SEMA3E: variants seen among roughly 807,000 people sequenced by gnomAD.
SEMA3E encodes semaphorin 3E.
SEMA3E carries 49 observed loss-of-function variants against 93.6 expected under a neutral mutation model. The ratio of observed to expected loss-of-function variants is 0.52; its 90% CI spans 0.42 to 0.66. The LOEUF is 0.66. SEMA3E is among the 30% of genes least tolerant of loss of function. The pLI is 0.00. For missense variants in SEMA3E, 906 were observed against 964.8 expected, an observed-to-expected ratio of 0.94 and a Z score of 0.81; for synonymous variants, 363 against 330.7, an observed-to-expected ratio of 1.10 and a Z score of -1.06.
chr7:83,636,753 T>C (rs1039664375), intron 1 of SEMA3E, among the ~76,000 whole-genome samples: 1 of 152,096 alleles, frequency 6.6e-6, no homozygotes, highest in Admixed American at 6.6e-5. Flanking sequence ...GAGAATACAG[T>C]GCATTATATG....
At chr7:83,565,530 A>G (rs1792128789) in intron 1 of SEMA3E, among the ~76,000 whole-genome samples, 1 of 152,220 alleles carries the variant, frequency 6.6e-6, no homozygotes, top group Non-Finnish European at 1.5e-5. Flanking sequence ...GAACTTAAAA[A>G]GAAAATAAAA....
At chr7:83,530,384 T>C (rs1298095802) in intron 1 of SEMA3E, among the ~76,000 whole-genome samples, 1 of 152,204 alleles carries the variant, frequency 6.6e-6, no homozygotes, top group Non-Finnish European at 1.5e-5. Flanking sequence ...CCTCTCACTA[T>C]AAACAAATAT....
chr7:83,520,895 C>G (rs973560088), intron 1 of SEMA3E, among the ~76,000 whole-genome samples: 11 of 152,178 alleles, frequency 7.2e-5, no homozygotes, highest in Non-Finnish European at 4.4e-5. Flanking sequence ...GCATTGCTGG[C>G]TGGCTCCCAA....
intron 4 of SEMA3E, among the ~76,000 whole-genome samples, chr7:83,426,657 C>T (rs1345892991): frequency 6.6e-6 from 1 of 152,088 alleles, no homozygotes; most frequent in East Asian, 1.9e-4. Flanking sequence ...ACATGTACTC[C>T]CGACTCTAAA....
At chr7:83,406,155 CT>C (rs925208704) in intron 7 of SEMA3E, 96 bp from the exon 8 acceptor site, 12 of 886,842 alleles carry the variant, frequency 1.4e-5, no homozygotes, top group Admixed American at 3.6e-5. Flanking sequence ...AGAGTTATGA[CT>C]TTTTTATTTA....
intron 1 of SEMA3E, among the ~76,000 whole-genome samples, chr7:83,558,551 A>G (rs1420099624): frequency 2.0e-5 from 3 of 152,132 alleles, no homozygotes; most frequent in African/African-American, 7.2e-5. Context: ...TTGTCAAATT[A>G]TGAAGGAAGA....
chr7:83,382,290 A>C (rs1215111010), intron 16 of SEMA3E, among the ~76,000 whole-genome samples: 1 of 152,016 alleles, frequency 6.6e-6, no homozygotes, highest in Non-Finnish European at 1.5e-5. Flanking sequence ...CTTTATAATA[A>C]AATGGTATAT....
chr7:83,593,260 G>GTCTCTCTCTCTCTC (rs1186592715), intron 1 of SEMA3E, among the ~76,000 whole-genome samples: 1 of 96,336 alleles, frequency 1.0e-5, no homozygotes, highest in Admixed American at 1.1e-4. Flanking sequence ...CTCTCTCTCT[G>GTCTCTCTCTCTCTC]TCTCTCTCTC....
chr7:83,644,502 T>C (rs1794056478), intron 1 of SEMA3E, among the ~76,000 whole-genome samples: 1 of 151,980 alleles, frequency 6.6e-6, no homozygotes, highest in South Asian at 2.1e-4. Context: ...ATAATATAAA[T>C]AGTTTTTAGG....
chr7:83,478,903 A>G (rs369976478), intron 2 of SEMA3E, among the ~76,000 whole-genome samples: 2 of 152,228 alleles, frequency 1.3e-5, no homozygotes, highest in African/African-American at 2.4e-5. Context: ...TCTAACTGCT[A>G]CTTACTGGCC....
chr7:83,619,936 T>TAGAG lies in SEMA3E; in HGVS notation c.115+28491_115+28492insCTCT, dbSNP rs2115625120. Among the ~76,000 whole-genome samples the TAGAG allele has an allele frequency of 1.3e-5, 2 of 151,898 alleles. 1 individual carries two copies. The highest frequency in any genetic ancestry group is 4.1e-4 in the South Asian group (2 of 4,822). ...ATAGATAGATAGACAGATAGATAGA[T>TAGAG]AGATAGATGCAAAACCATGTTTGCT... On this transcript the variant is annotated intron_variant, in intron 1 of 16. Transcript: ENST00000643230.
chr7:83,392,499 AAAG>A (rs770716867), intron 14 of SEMA3E, 53 bp downstream of exon 14: 1 of 1,413,502 alleles, frequency 7.1e-7, no homozygotes, highest in Non-Finnish European at 9.7e-7. Flanking sequence ...AAAAAAAAAA[AAAG>A]CATTAGGGTT....
In SEMA3E at chr7:83,431,053, GAAAT is replaced by G. The variant is rs528525091; in HGVS notation, c.457-12574_457-12571del. On this transcript the variant is annotated intron_variant, in intron 4 of 16. Coordinates refer to ENST00000643230, the MANE Select transcript of SEMA3E (RefSeq NM_012431.3). ...ATTAATGGTTGTCTATTGGAACTCTGAAATAAATTTTCACTGCATTGCCAAAAAA... is the reference window on the plus strand; with the variant it reads ...ATTAATGGTTGTCTATTGGAACTCTGAAATTTTCACTGCATTGCCAAAAAA... Among the ~76,000 whole-genome samples, 398 of 140,690 alleles carry G rather than the reference GAAAT, an allele frequency of 2.8e-3. 4 individuals carry two copies. The highest frequency in any genetic ancestry group is 8.9e-3 in the African/African-American group (333 of 37,360). The allele number at this position is 140,690 out of a possible 152,430, so 92.3% of individuals were successfully genotyped here. A position where few individuals can be genotyped will look rare whatever the true frequency, so the allele number is the denominator to read the frequency against.
intron 1 of SEMA3E, among the ~76,000 whole-genome samples, chr7:83,505,019 T>C (rs1363562495): frequency 1.3e-5 from 2 of 152,164 alleles, no homozygotes; most frequent in Non-Finnish European, 2.9e-5. Flanking sequence ...CAAGTTACAA[T>C]AACAAAAGAA....
At chr7:83,411,899 T>C (rs2709962) in intron 5 of SEMA3E, among the ~76,000 whole-genome samples, 77,056 of 152,012 alleles carry the variant, frequency 0.51, 22,396 homozygotes, top group East Asian at 0.85. Context: ...GATGGGCGAG[T>C]TTAACAACTT....
intron 1 of SEMA3E, among the ~76,000 whole-genome samples, chr7:83,635,162 CCTTT>C (rs1793857689): frequency 6.6e-6 from 1 of 151,932 alleles, no homozygotes; most frequent in African/African-American, 2.4e-5. Flanking sequence ...ATTACTTTTT[CCTTT>C]CTTTATTTTC....
At chr7:83,390,563 T>C in intron 14 of SEMA3E, among the ~76,000 whole-genome samples, 1 of 152,310 alleles carries the variant, frequency 6.6e-6, no homozygotes, top group East Asian at 1.9e-4. Context: ...AGTATTTATT[T>C]TAATGACCTG....
chr7:83,486,440 A>G (rs1584282048), intron 2 of SEMA3E, among the ~76,000 whole-genome samples: 1 of 152,192 alleles, frequency 6.6e-6, no homozygotes, highest in Admixed American at 6.5e-5. Flanking sequence ...ATGTTATATC[A>G]GGAAAAAATT....
chr7:83,490,412 G>A lies in SEMA3E; in HGVS notation c.116-138C>T, dbSNP rs1230956282. 5 of 776,842 alleles carry A rather than the reference G, an allele frequency of 6.4e-6. No homozygotes were observed. In the South Asian group the frequency reaches 8.3e-5, roughly 13 times the overall value. The allele number at this position is 776,842 out of a possible 1,614,324, so 48.1% of individuals were successfully genotyped here. ...ATTTTATCATACATATACTGGCAAAGAATTTTAATGTGCACAAGTTAAAAT... is the reference window on the plus strand; with the variant it reads ...ATTTTATCATACATATACTGGCAAAAAATTTTAATGTGCACAAGTTAAAAT... On this transcript the variant is annotated intron_variant, in intron 1 of 16. Transcript: ENST00000643230.
Sources: allele counts gnomAD v4.1 joint callset (sites outside exome capture counted in the v4.1 genomes callset), GRCh38; gene constraint gnomAD v4.1.1; transcripts MANE v1.5; gene names NCBI Gene and HGNC (gene_info 2026-07-23, HGNC 2026-07-21).